KIRREL3: variants seen among roughly 807,000 people sequenced by gnomAD.
KIRREL3 encodes kirre like nephrin family adhesion molecule 3, also known as kin of IRRE-like protein 3.
KIRREL3 carries 36 observed loss-of-function variants against 89.7 expected under a neutral mutation model. That is an observed-to-expected ratio of 0.40 (90% confidence interval 0.31 to 0.53). The LOEUF is 0.53. Ranked by LOEUF, KIRREL3 falls within the 20% of genes least tolerant of loss-of-function variation. KIRREL3 has a pLI of 0.49. For synonymous variants in KIRREL3, 445 were observed against 441.4 expected (o/e 1.01, Z -0.10); for missense variants, 864 against 1,056.6 (o/e 0.82, Z 2.53).
chr11:126,559,173 A>G (rs1939926819), intron 2 of KIRREL3, among the ~76,000 whole-genome samples: 1 of 152,180 alleles, frequency 6.6e-6, no homozygotes, highest in Admixed American at 6.5e-5. Flanking sequence ...AGAAAGCCTG[A>G]GAGTGAGCAC....
chr11:126,654,796 T>TA (rs1440135639), intron 1 of KIRREL3, among the ~76,000 whole-genome samples: 3 of 148,552 alleles, frequency 2.0e-5, no homozygotes, highest in African/African-American at 7.6e-5. Context: ...CCATTATTTT[T>TA]TTTTATTTTT....
chr11:126,648,640 T>C (rs1944787358), intron 1 of KIRREL3, among the ~76,000 whole-genome samples: 1 of 152,258 alleles, frequency 6.6e-6, no homozygotes, highest in Admixed American at 6.5e-5. Context: ...TTTTATTGAC[T>C]GATGTATCAA....
chr11:126,868,657 G>A (rs1490412796), intron 1 of KIRREL3, among the ~76,000 whole-genome samples: 2 of 152,106 alleles, frequency 1.3e-5, no homozygotes, highest in South Asian at 2.1e-4. Context: ...TGTAGGGGCC[G>A]ATCATTATTT....
At chr11:126,451,658 ATGTG>A (rs1387161853) in intron 7 of KIRREL3, among the ~76,000 whole-genome samples, 3 of 145,702 alleles carry the variant, frequency 2.1e-5, no homozygotes, top group Admixed American at 6.8e-5. Flanking sequence ...GGGCGTGTGC[ATGTG>A]TGAGTGTGTG....
intron 1 of KIRREL3, among the ~76,000 whole-genome samples, chr11:126,915,910 G>T (rs971962886): frequency 6.6e-6 from 1 of 151,994 alleles, no homozygotes; most frequent in African/African-American, 2.4e-5. Context: ...CTTCACAAAG[G>T]TTCCAGTCTG....
rs1405657037 is a variant in KIRREL3, at chr11:126,571,832, A to G, written c.56-8920T>C. ...AAACAGTTTTATCCCATGTGCAAGG[A>G]TGCCTCAGCCCGTCTCTGATTTAAC... On this transcript the variant is annotated intron_variant, in intron 1 of 16. Coordinates refer to ENST00000525144, the MANE Select transcript of KIRREL3 (RefSeq NM_032531.4). This position sits in a 1 kb window ranked among gnomAD's most constrained non-coding sequence, Gnocchi z 7.7. Among the ~76,000 whole-genome samples, 1 of 152,210 alleles carries G rather than the reference A, an allele frequency of 6.6e-6. No homozygotes were observed. Among genetic ancestry groups the G allele is most frequent in the Non-Finnish European group, 1.5e-5 (1 of 68,040 alleles).
chr11:126,857,545 T>C (rs1379791213), intron 1 of KIRREL3, among the ~76,000 whole-genome samples: 1 of 152,164 alleles, frequency 6.6e-6, no homozygotes, highest in African/African-American at 2.4e-5. Flanking sequence ...CCCTTTCTTC[T>C]TCCTGTTTCT....
intron 1 of KIRREL3, among the ~76,000 whole-genome samples, chr11:126,801,231 C>A (rs1951022020): frequency 6.6e-6 from 1 of 152,302 alleles, no homozygotes; most frequent in East Asian, 1.9e-4. Flanking sequence ...GCTCTCTTTT[C>A]TATCCTAAGG....
intron 1 of KIRREL3, among the ~76,000 whole-genome samples, chr11:126,603,153 A>T (rs1034684707): frequency 6.6e-6 from 1 of 152,218 alleles, no homozygotes; most frequent in Non-Finnish European, 1.5e-5. Flanking sequence ...GCCCCTACAG[A>T]TTCCTGGAGC....
Position 126,587,220 on chromosome 11 carries a change from C to A in KIRREL3, c.56-24308G>T, listed in dbSNP as rs1941905977. On this transcript the variant is annotated intron_variant, in intron 1 of 16. Transcript: ENST00000525144. This position sits in a 1 kb window ranked among gnomAD's most constrained non-coding sequence, Gnocchi z 5.2. ...GACATCCAAGCTGAAACCCGAAGGACAAATAGGGGACAGGGAGATGAAGAC... is the reference window on the plus strand; with the variant it reads ...GACATCCAAGCTGAAACCCGAAGGAAAAATAGGGGACAGGGAGATGAAGAC... 6.6e-6 allele frequency among the ~76,000 whole-genome samples: 1 copy of A among 152,094 alleles called. No individual in the cohort carries two copies. The highest frequency in any genetic ancestry group is 6.5e-5 in the Admixed American group (1 of 15,272).
intron 7 of KIRREL3, 149 bp from the exon 8 acceptor site, chr11:126,449,306 A>T: frequency 2.4e-6 from 2 of 840,298 alleles, no homozygotes; most frequent in South Asian, 4.0e-5. Context: ...ATCTTCACAG[A>T]GGGGCTACTT....
Position 126,870,272 on chromosome 11 carries a change from G to A in KIRREL3, c.55+130183C>T, listed in dbSNP as rs1565370009. Among the ~76,000 whole-genome samples, 1 of 152,176 alleles carries A rather than the reference G, an allele frequency of 6.6e-6. No homozygotes were observed. Among genetic ancestry groups the A allele is most frequent in the Non-Finnish European group, 1.5e-5 (1 of 68,024 alleles). On this transcript the variant is annotated intron_variant, in intron 1 of 16. Transcript: ENST00000525144. This position sits in a 1 kb window ranked among gnomAD's most constrained non-coding sequence, Gnocchi z 4.4. ...ACTGAACACCCTCCTCAAGATGCCA[G>A]GGCTGCCTGTGCCATGTACTGCAAG...
At chr11:126,878,547 C>T (rs984117181) in intron 1 of KIRREL3, among the ~76,000 whole-genome samples, 2 of 151,318 alleles carry the variant, frequency 1.3e-5, no homozygotes, top group African/African-American at 4.9e-5. Context: ...TCTAACAGTG[C>T]GATTTTTTAA....
chr11:126,961,602 A>G (rs1372811718), intron 1 of KIRREL3, among the ~76,000 whole-genome samples: 1 of 152,262 alleles, frequency 6.6e-6, no homozygotes, highest in Non-Finnish European at 1.5e-5. Context: ...TCTCCATAAC[A>G]TAAAAGTTTA....
At chr11:126,933,314 T>C (rs1322105173) in intron 1 of KIRREL3, among the ~76,000 whole-genome samples, 2 of 151,882 alleles carry the variant, frequency 1.3e-5, no homozygotes, top group Non-Finnish European at 2.9e-5. Flanking sequence ...AATAAGTGAG[T>C]GAGCCTAAGT....
rs767523612 is a variant in KIRREL3 at position 126,807,206 on chromosome 11, C to A, written c.55+193249G>T. On this transcript the variant is annotated intron_variant, in intron 1 of 16. Coordinates refer to ENST00000525144, the MANE Select transcript of KIRREL3 (RefSeq NM_032531.4). The surrounding 1 kb of genome is among the most constrained non-coding windows in gnomAD (Gnocchi z 4.3). ...TGCCCCAGGCCCCACCTCCTGCTAA[C>A]ATTTTATTTTCTCTGACTCCCACTG... 1.7e-4 allele frequency among the ~76,000 whole-genome samples: 26 copies of A among 152,196 alleles called. No homozygotes were observed. The highest frequency in any genetic ancestry group is 3.4e-4 in the Non-Finnish European group (23 of 68,022).
chr11:126,430,137 CA>C lies in KIRREL3; in HGVS notation c.1697-850del, dbSNP rs138112843. On this transcript the variant is annotated intron_variant, in intron 14 of 16. Transcript: ENST00000525144. The surrounding 1 kb of genome is among the most constrained non-coding windows in gnomAD (Gnocchi z 6.6). ...TGGGCAACAGGATGAGACTCTGTCT[CA>C]AAAAAAAAAAAGGAAATTCTTGAGG... Among the ~76,000 whole-genome samples the C allele has an allele frequency of 0.084, 10,742 of 127,292 alleles. 406 individuals are homozygous for C. Among genetic ancestry groups the C allele is most frequent in the Middle Eastern group, 0.17 (35 of 212 alleles). The allele number at this position is 127,292 out of a possible 152,430, so 83.5% of individuals were successfully genotyped here.
rs1356380629 is a variant in KIRREL3, at chr11:126,685,044, C to T, written c.56-122132G>A. Among the ~76,000 whole-genome samples, 1 of 152,082 alleles carries T rather than the reference C, an allele frequency of 6.6e-6. No homozygotes were observed. Among genetic ancestry groups the T allele is most frequent in the Non-Finnish European group, 1.5e-5 (1 of 68,022 alleles). On this transcript the variant is annotated intron_variant, in intron 1 of 16. Transcript: ENST00000525144. The surrounding 1 kb of genome is among the most constrained non-coding windows in gnomAD (Gnocchi z 5.5). ...ATGGAAGGAACGTTAGACACACATT[C>T]CTGTAGATGCTGGAGTGGAAAGGCA...
chr11:126,537,960 T>C lies in KIRREL3; in HGVS notation c.134-11273A>G, dbSNP rs1938043297. Among the ~76,000 whole-genome samples, 1 of 152,006 alleles carries C rather than the reference T, an allele frequency of 6.6e-6. No homozygotes were observed. On this transcript the variant is annotated intron_variant, in intron 2 of 16. Transcript: ENST00000525144. The surrounding 1 kb of genome is among the most constrained non-coding windows in gnomAD (Gnocchi z 4.3). ...TGCACCCATTAGAATGCTGCATGGG[T>C]GGTGCAGGAGACAGTGGGTGAGCCC...
Sources: gnomAD v4.1 joint callset for allele counts (sites outside exome capture counted in the v4.1 genomes callset) on GRCh38, gnomAD v4.1.1 for gene constraint, Gnocchi (gnomAD v3.1) non-coding constraint, MANE v1.5 for transcripts, NCBI Gene and HGNC (gene_info 2026-07-23, HGNC 2026-07-21) for gene names.